Variants in GREB1 observed in about 807,000 individuals in gnomAD.
GREB1 encodes growth regulating estrogen receptor binding 1.
A neutral mutation model predicts 200.7 loss-of-function variants in GREB1; 106 were observed. The observed-to-expected ratio is 0.53, with a 90% confidence interval of 0.45 to 0.62. The LOEUF (loss-of-function observed/expected upper bound fraction) is 0.62, where lower values mean the gene tolerates loss of function less well. Among genes scored for constraint, GREB1 ranks in the 20% least tolerant of loss-of-function variants. The probability of loss-of-function intolerance (pLI) is 0.00; values close to 1 mark genes in which losing one functional copy is unlikely to be tolerated. For synonymous variants in GREB1, 1,132 were observed against 1,092.4 expected (o/e 1.04, Z -0.72); for missense variants, 2,243 against 2,556.8 (o/e 0.88, Z 2.65).
At chr2:11,596,359 G>T (rs1681205273) in intron 13 of GREB1, 120 bp downstream of exon 13, 1 of 771,162 alleles carries the variant, frequency 1.3e-6, no homozygotes. Flanking sequence ...GCACAGTGAG[G>T]GGGCAGGGGC....
Position 11,618,614 on chromosome 2 carries a change from T to C in GREB1, c.3739T>C (p.Cys1247Arg), listed in dbSNP as rs751789870. ...AGTWVLQASQ[C>R]SLTKACRQPP... The stretch of plus-strand genomic sequence containing the variant: ...CACGTGGGTCCTGCAGGCCTCCCAG[T>C]GCTCCTTGACCAAGGCCTGCCGCCA... The change falls in exon 22 of 33, where the codon TGC becomes CGC. Residue 1247 changes from cysteine (C) to arginine (R), a missense_variant. Cys to Arg is a radical substitution (Grantham distance 180, BLOSUM62 -3). Around this residue, in one of 3 missense-constraint regions of GREB1, gnomAD observed 587 missense variants for 553.1 expected, o/e 1.06. Transcript: ENST00000381486. The C allele has an allele frequency of 1.2e-6, 2 of 1,613,254 alleles. No individual in the cohort carries two copies. Among genetic ancestry groups the C allele is most frequent in the Non-Finnish European group, 1.7e-6 (2 of 1,179,924 alleles).
At chr2:11,556,825 A>G (rs922346254) in intron 2 of GREB1, 54 bp downstream of exon 2, 3 of 1,352,338 alleles carry the variant, frequency 2.2e-6, no homozygotes, top group African/African-American at 1.5e-5. Flanking sequence ...TGCGCAGTTA[A>G]TGTTAGCACC....
At position 11,618,618 on chromosome 2, in the gene GREB1, C is replaced by T; in HGVS notation, c.3743C>T (p.Ser1248Phe). The change falls in exon 22 of 33, where the codon TCC becomes TTC. Residue 1248 changes from serine to phenylalanine, a missense_variant. Coordinates refer to ENST00000381486, the MANE Select transcript of GREB1 (RefSeq NM_014668.4). ...GTWVLQASQC[S>F]LTKACRQPPI... The stretch of plus-strand genomic sequence containing the variant: ...TGGGTCCTGCAGGCCTCCCAGTGCT[C>T]CTTGACCAAGGCCTGCCGCCAGCCA... 2 of 1,613,324 alleles carry T rather than the reference C, an allele frequency of 1.2e-6. No homozygotes were observed. Among genetic ancestry groups the T allele is most frequent in the Non-Finnish European group, 1.7e-6 (2 of 1,179,932 alleles).
rs181668352 is a variant in GREB1 at position 11,548,777 on chromosome 2, C to T, written c.-161-7677C>T. Among the ~76,000 whole-genome samples, 1 of 152,210 alleles carries T rather than the reference C, an allele frequency of 6.6e-6. No individual in the cohort carries two copies. The highest frequency in any genetic ancestry group is 1.5e-5 in the Non-Finnish European group (1 of 68,016). On this transcript the variant is annotated intron_variant, in intron 1 of 32. Transcript: ENST00000381486. This position sits in a 1 kb window ranked among gnomAD's most constrained non-coding sequence, Gnocchi z 5.1. ...TGGCTTCACAATTGTTAATTTACAC[C>T]ACTCCCCAGTAGTTTCTTGAGAAAG... is the stretch of plus-strand genomic sequence containing the variant.
chr2:11,601,383 T>G (rs1427537434), intron 16 of GREB1, among the ~76,000 whole-genome samples: 1 of 152,240 alleles, frequency 6.6e-6, no homozygotes, highest in Non-Finnish European at 1.5e-5. Context: ...GGAAGGTTCC[T>G]GTTTTCCCTA....
In GREB1 at chr2:11,624,815, T is replaced by C. The variant is rs188223405; in HGVS notation, c.4148-339T>C. Among the ~76,000 whole-genome samples the C allele has an allele frequency of 8.7e-3, 1,198 of 137,810 alleles. 8 individuals are homozygous for C. The highest frequency in any genetic ancestry group is 0.013 in the Non-Finnish European group (849 of 64,240). 90.4% of individuals were successfully genotyped at this position (137,810 alleles called of 152,430 possible). A position where few individuals can be genotyped will look rare whatever the true frequency, so the allele number is the denominator to read the frequency against. ...TTCTGAAAACATTACGAGATTATTT[T>C]TGCAATTTTTTTTTTAAGCTCAACA... is the stretch of plus-strand genomic sequence containing the variant. On this transcript the variant is annotated intron_variant, in intron 23 of 32. Transcript: ENST00000381486.
chr2:11,622,080 G>A (rs1684056974), intron 23 of GREB1, among the ~76,000 whole-genome samples: 1 of 151,088 alleles, frequency 6.6e-6, no homozygotes, highest in Admixed American at 6.6e-5. Context: ...CACACACAGA[G>A]CACCAAGACT....
At chr2:11,578,856 G>A (rs535966555) in intron 6 of GREB1, among the ~76,000 whole-genome samples, 19 of 152,328 alleles carry the variant, frequency 1.2e-4, no homozygotes, top group South Asian at 4.1e-4. Flanking sequence ...CAACAACCAC[G>A]CTGTGAGCAG....
At chr2:11,490,391 G>A (rs1361161355) in intron 1 of GREB1, among the ~76,000 whole-genome samples, 3 of 152,136 alleles carry the variant, frequency 2.0e-5, no homozygotes, top group Non-Finnish European at 1.5e-5. Flanking sequence ...TCAGAACTTC[G>A]TTTCTTTATA....
chr2:11,528,399 G>A (rs752352803), intron 1 of GREB1, among the ~76,000 whole-genome samples: 1 of 152,174 alleles, frequency 6.6e-6, no homozygotes, highest in Non-Finnish European at 1.5e-5. Flanking sequence ...TCTATTCCTT[G>A]TCTTTAAAAT....
chr2:11,534,732 T>C (rs949512974), intron 1 of GREB1, among the ~76,000 whole-genome samples: 2 of 152,228 alleles, frequency 1.3e-5, no homozygotes, highest in Non-Finnish European at 2.9e-5. Context: ...GGATGTGTGC[T>C]TCTTCTTCAC....
chr2:11,633,121 T>G lies in GREB1; in HGVS notation c.4991+58T>G. The stretch of plus-strand genomic sequence containing the variant: ...CCCTACGAATGATGACCAACGAGTG[T>G]GCCCTCTTTGTATGGGGAATGTGCC... On this transcript the variant is annotated intron_variant, in intron 28 of 32. Coordinates refer to ENST00000381486, the MANE Select transcript of GREB1 (RefSeq NM_014668.4). The surrounding 1 kb of genome is among the most constrained non-coding windows in gnomAD (Gnocchi z 4.1). 6.5e-7 allele frequency: 1 copy of G among 1,546,860 alleles called. No homozygotes were observed. The highest frequency in any genetic ancestry group is 8.9e-7 in the Non-Finnish European group (1 of 1,122,478).
intron 1 of GREB1, among the ~76,000 whole-genome samples, chr2:11,537,228 T>C (rs1674333441): frequency 1.3e-5 from 2 of 152,144 alleles, no homozygotes; most frequent in South Asian, 4.2e-4. Context: ...CTTCCCAAAG[T>C]CCTGGGATAA....
chr2:11,585,497 C>A (rs954456191), intron 8 of GREB1, among the ~76,000 whole-genome samples: 7 of 152,226 alleles, frequency 4.6e-5, no homozygotes, highest in African/African-American at 1.7e-4. Flanking sequence ...ATAGTGAGTT[C>A]TCTGATCCTT....
intron 1 of GREB1, among the ~76,000 whole-genome samples, chr2:11,535,124 C>A (rs1037494307): frequency 6.6e-6 from 1 of 152,038 alleles, no homozygotes; most frequent in Non-Finnish European, 1.5e-5. Flanking sequence ...AGAGGAGCTA[C>A]CTGCTCTGTA....
intron 9 of GREB1, among the ~76,000 whole-genome samples, 174 bp downstream of exon 9, chr2:11,586,079 C>T (rs1044783612): frequency 1.3e-5 from 2 of 152,180 alleles, no homozygotes; most frequent in African/African-American, 4.8e-5. Flanking sequence ...ACTAGCTCAG[C>T]CCCTGATCAG....
intron 2 of GREB1, among the ~76,000 whole-genome samples, chr2:11,559,677 A>G (rs1469515688): frequency 6.6e-6 from 1 of 152,092 alleles, no homozygotes; most frequent in South Asian, 2.1e-4. Flanking sequence ...TCGATTTTGC[A>G]GAGTCTTCTG....
At chr2:11,516,777 G>T (rs1023260214) in intron 1 of GREB1, among the ~76,000 whole-genome samples, 3 of 152,226 alleles carry the variant, frequency 2.0e-5, no homozygotes, top group Non-Finnish European at 4.4e-5. Flanking sequence ...CTAGGAAGCT[G>T]CCACACGCAA....
intron 19 of GREB1, 133 bp from the exon 20 acceptor site, chr2:11,614,958 T>C: frequency 1.5e-6 from 1 of 683,732 alleles, no homozygotes; most frequent in Non-Finnish European, 2.6e-6. Flanking sequence ...TGTTGGCTTT[T>C]CCACTTGTAC....
Sources: gnomAD v4.1 joint callset for allele counts (sites outside exome capture counted in the v4.1 genomes callset) on GRCh38, gnomAD v4.1.1 for gene constraint, gnomAD v4.1.1 regional missense constraint, Gnocchi (gnomAD v3.1) non-coding constraint, MANE v1.5 for transcripts, NCBI Gene and HGNC (gene_info 2026-07-23, HGNC 2026-07-21) for gene names.